The following CUX1 variants were observed in gnomAD, a reference collection of about 807,000 sequenced individuals.
The protein encoded by CUX1 is cut like homeobox 1, also known as protein CASP.
In CUX1, 31 loss-of-function variants were observed where a neutral mutation model predicts 158.8. The observed-to-expected ratio is 0.20, with a 90% CI of 0.15 to 0.26. The LOEUF (loss-of-function observed/expected upper bound fraction) is 0.26. Among genes scored for constraint, CUX1 ranks in the 10% least tolerant of loss-of-function variants. The probability of loss-of-function intolerance (pLI) is 1.00; values close to 1 mark genes in which losing one functional copy is unlikely to be tolerated. For missense variants in CUX1, 1,589 were observed against 2,014.6 expected (o/e 0.79, Z 4.04); for synonymous variants, 879 against 862.1 (o/e 1.02, Z -0.34).
At chr7:102,216,225 G>T (rs1416485953) in intron 20 of CUX1, among the ~76,000 whole-genome samples, 1 of 152,046 alleles carries the variant, frequency 6.6e-6, no homozygotes, top group African/African-American at 2.4e-5. Flanking sequence ...GGCTGAGGCG[G>T]AAGGATCATT....
At chr7:102,012,761 A>G (rs1332984247) in intron 2 of CUX1, among the ~76,000 whole-genome samples, 1 of 152,146 alleles carries the variant, frequency 6.6e-6, no homozygotes, top group African/African-American at 2.4e-5. Context: ...AATTTAATGA[A>G]GGAATGAATC....
chr7:101,880,204 G>T (rs532681981), intron 1 of CUX1, among the ~76,000 whole-genome samples: 2 of 152,090 alleles, frequency 1.3e-5, no homozygotes, highest in South Asian at 2.1e-4. Context: ...AAAAAACTCC[G>T]AGGAACAGGT....
intron 1 of CUX1, among the ~76,000 whole-genome samples, chr7:101,905,374 C>T (rs1802636757): frequency 6.6e-6 from 1 of 152,224 alleles, no homozygotes; most frequent in Admixed American, 6.5e-5. Context: ...GCTGGAGCGA[C>T]AGCCACAGCA....
intron 5 of CUX1, among the ~76,000 whole-genome samples, chr7:102,101,958 G>T (rs1262550065): frequency 1.3e-5 from 2 of 152,022 alleles, no homozygotes; most frequent in African/African-American, 2.4e-5. Context: ...TTACACGAGA[G>T]TGTAGACCAT....
Position 102,253,917 on chromosome 7 carries a change from C to A in CUX1, c.*4875C>A, listed in dbSNP as rs547028626. 1 of 985,524 alleles carries A rather than the reference C, an allele frequency of 1.0e-6. No individual in the cohort carries two copies. Among genetic ancestry groups the A allele is most frequent in the Non-Finnish European group, 1.2e-6 (1 of 830,128 alleles). 61.0% of individuals were successfully genotyped at this position (985,524 alleles called of 1,614,324 possible). A position where few individuals can be genotyped will look rare whatever the true frequency, so the allele number is the denominator to read the frequency against. On this transcript the variant is annotated 3_prime_UTR_variant, in exon 24 of 24. Coordinates refer to ENST00000292535, the MANE Select transcript of CUX1 (RefSeq NM_181552.4). ...GATGTCCTCCCTCTTCTTCACACTCCTCATTGTCCCTTCTACCTCACTAAC... is the reference window on the plus strand; with the variant it reads ...GATGTCCTCCCTCTTCTTCACACTCATCATTGTCCCTTCTACCTCACTAAC...
At chr7:101,885,552 C>G (rs1257065490) in intron 1 of CUX1, among the ~76,000 whole-genome samples, 3 of 152,128 alleles carry the variant, frequency 2.0e-5, no homozygotes, top group Non-Finnish European at 4.4e-5. Context: ...GAGCGAGACC[C>G]TGTCCCAAAA....
At chr7:101,977,293 T>A (rs1358650454) in intron 2 of CUX1, among the ~76,000 whole-genome samples, 1 of 152,142 alleles carries the variant, frequency 6.6e-6, no homozygotes, top group Admixed American at 6.6e-5. Flanking sequence ...TTCCAGCCCT[T>A]ACTTAAAACA....
chr7:101,885,603 G>A (rs1800141663), intron 1 of CUX1, among the ~76,000 whole-genome samples: 1 of 152,138 alleles, frequency 6.6e-6, no homozygotes, highest in Non-Finnish European at 1.5e-5. Flanking sequence ...ATTCTCCCCA[G>A]GAAGGCCCAG....
intron 1 of CUX1, among the ~76,000 whole-genome samples, chr7:101,821,664 CTTTTTTCTTTTTTTTTT>C (rs1792572570): frequency 1.4e-5 from 1 of 71,026 alleles, no homozygotes; most frequent in South Asian, 4.4e-4. Context: ...TTCTTTTTTT[CTTTTTTCTTTTTTTTTT>C]TTTTTTTTTT....
chr7:102,101,705 T>C (rs1554486426), intron 5 of CUX1, among the ~76,000 whole-genome samples: 2 of 151,906 alleles, frequency 1.3e-5, no homozygotes, highest in African/African-American at 4.8e-5. Context: ...AGGTCAGGAG[T>C]TCGAGACCAG....
chr7:101,937,764 T>C (rs937947032), intron 2 of CUX1, among the ~76,000 whole-genome samples: 2 of 152,116 alleles, frequency 1.3e-5, no homozygotes, highest in Non-Finnish European at 2.9e-5. Context: ...CCACCCGCCT[T>C]GGCCTCCCAA....
chr7:102,266,685 G>T (rs782292430), intron 14 of CUX1, among the ~76,000 whole-genome samples: 1 of 152,054 alleles, frequency 6.6e-6, no homozygotes, highest in African/African-American at 2.4e-5. Context: ...GCAGCCAGCC[G>T]GGGAAGGAGG....
chr7:102,133,399 G>A (rs1469957687), intron 8 of CUX1, among the ~76,000 whole-genome samples: 1 of 151,886 alleles, frequency 6.6e-6, no homozygotes, highest in African/African-American at 2.4e-5. Context: ...TCATTCTAGG[G>A]GCTCTTCATG....
At chr7:102,235,768 C>T (rs1799493122) in intron 22 of CUX1, among the ~76,000 whole-genome samples, 1 of 145,234 alleles carries the variant, frequency 6.9e-6, no homozygotes, top group South Asian at 2.2e-4. Context: ...CCACCCCACC[C>T]CCGTCCCCGC....
At chr7:102,097,663 A>C (rs1829341827) in intron 5 of CUX1, among the ~76,000 whole-genome samples, 162 bp downstream of exon 5, 1 of 151,982 alleles carries the variant, frequency 6.6e-6, no homozygotes, top group African/African-American at 2.4e-5. Context: ...GAGAGATGAT[A>C]ATCATGCTGA....
Position 102,108,957 on chromosome 7 carries a change from T to C in CUX1, c.531-2741T>C, listed in dbSNP as rs7777479. Among the ~76,000 whole-genome samples, 904 of 152,248 alleles carry C rather than the reference T, an allele frequency of 5.9e-3. 11 individuals are homozygous for C. The highest frequency in any genetic ancestry group is 0.021 in the African/African-American group (866 of 41,538). On this transcript the variant is annotated intron_variant, in intron 6 of 23. Transcript: ENST00000292535. Reference sequence around the variant, plus strand: ...TTTAGTAGAACAGGATTTCACCATGTTGGCCATGCTGGTCTTGAACTCCTG... The same window carrying C: ...TTTAGTAGAACAGGATTTCACCATGCTGGCCATGCTGGTCTTGAACTCCTG...
intron 2 of CUX1, among the ~76,000 whole-genome samples, chr7:102,022,246 C>G (rs554273383): frequency 6.6e-6 from 1 of 152,266 alleles, no homozygotes; most frequent in African/African-American, 2.4e-5. Context: ...TTGGCATTAC[C>G]TAGAAAATTC....
At chr7:101,981,047 T>C (rs1813373247) in intron 2 of CUX1, among the ~76,000 whole-genome samples, 1 of 152,160 alleles carries the variant, frequency 6.6e-6, no homozygotes, top group African/African-American at 2.4e-5. Flanking sequence ...AAATAATAAA[T>C]GGAAAAATGA....
At chr7:102,003,778 C>T (rs956791321) in intron 2 of CUX1, among the ~76,000 whole-genome samples, 4 of 152,148 alleles carry the variant, frequency 2.6e-5, no homozygotes, top group Admixed American at 2.0e-4. Context: ...ACATTGCAAC[C>T]CCAGTTTTAG....
Sources: allele counts gnomAD v4.1 joint callset (sites outside exome capture counted in the v4.1 genomes callset), GRCh38; gene constraint gnomAD v4.1.1; transcripts MANE v1.5; gene names NCBI Gene and HGNC (gene_info 2026-07-23, HGNC 2026-07-21).